Variants in SBF2 observed in about 807,000 individuals in gnomAD.
SBF2 encodes SET binding factor 2.
In SBF2, 112 loss-of-function variants were observed where a neutral mutation model predicts 225.2. The observed-to-expected ratio is 0.50, with a 90% CI of 0.43 to 0.58. The LOEUF (loss-of-function observed/expected upper bound fraction) is 0.58, where lower values mean the gene tolerates loss of function less well. Ranked by LOEUF, SBF2 falls within the 20% of genes least tolerant of loss-of-function variation. SBF2 has a pLI of 0.00. For missense variants in SBF2, 1,996 were observed against 2,206.2 expected, an observed-to-expected ratio of 0.90 and a Z score of 1.91; for synonymous variants, 763 against 773.3, an observed-to-expected ratio of 0.99 and a Z score of 0.22.
intron 2 of SBF2, among the ~76,000 whole-genome samples, chr11:10,061,045 T>C (rs948544230): frequency 3.3e-5 from 5 of 151,496 alleles, no homozygotes; most frequent in Non-Finnish European, 7.4e-5. Flanking sequence ...AATAAATAAA[T>C]AAACAAATAA....
chr11:9,809,423 T>A (rs1590133592), intron 30 of SBF2: 1 of 163,802 alleles, frequency 6.1e-6, no homozygotes, highest in East Asian at 1.7e-4. Context: ...TGAGCTATAA[T>A]TCCATAGAGT....
At chr11:9,936,515 G>A (rs926346254) in intron 16 of SBF2, among the ~76,000 whole-genome samples, 5 of 152,144 alleles carry the variant, frequency 3.3e-5, no homozygotes, top group African/African-American at 1.2e-4. Context: ...TATGTTTATT[G>A]CAGCACTATT....
intron 17 of SBF2, among the ~76,000 whole-genome samples, chr11:9,875,307 G>A (rs1300329451): frequency 6.6e-6 from 1 of 152,196 alleles, no homozygotes; most frequent in Non-Finnish European, 1.5e-5. Flanking sequence ...TTCTAGGACT[G>A]CAGATGGTTT....
At chr11:10,218,341 T>G in intron 1 of SBF2, among the ~76,000 whole-genome samples, 1 of 69,334 alleles carries the variant, frequency 1.4e-5, no homozygotes. Context: ...CACCCAATGA[T>G]TCAATTACCT....
intron 1 of SBF2, among the ~76,000 whole-genome samples, chr11:10,283,856 T>G (rs1963573543): frequency 6.6e-6 from 1 of 152,126 alleles, no homozygotes; most frequent in Non-Finnish European, 1.5e-5. Context: ...TAAAAATCAG[T>G]GGTTTTCAAG....
intron 16 of SBF2, among the ~76,000 whole-genome samples, chr11:9,927,361 G>C (rs1161092903): frequency 6.6e-6 from 1 of 152,220 alleles, no homozygotes; most frequent in South Asian, 2.1e-4. Context: ...AATTGAGCCG[G>C]AGTATGCACT....
At chr11:9,963,624 C>A in intron 15 of SBF2, 149 bp downstream of exon 15, 1 of 601,354 alleles carries the variant, frequency 1.7e-6, no homozygotes, top group Non-Finnish European at 3.0e-6. Context: ...AAATCTTAGA[C>A]ACTATTCATT....
intron 2 of SBF2, among the ~76,000 whole-genome samples, chr11:10,087,936 G>A (rs1381529186): frequency 6.6e-6 from 1 of 152,026 alleles, no homozygotes; most frequent in African/African-American, 2.4e-5. Flanking sequence ...GGTGTTTTTT[G>A]AGATTTATGT....
At chr11:10,246,275 T>C (rs1959781795) in intron 1 of SBF2, among the ~76,000 whole-genome samples, 1 of 152,190 alleles carries the variant, frequency 6.6e-6, no homozygotes, top group Non-Finnish European at 1.5e-5. Context: ...CACAGGTTTC[T>C]TTTCTTTCTT....
At chr11:10,146,764 CTA>C (rs746854608) in intron 2 of SBF2, among the ~76,000 whole-genome samples, 1 of 152,056 alleles carries the variant, frequency 6.6e-6, no homozygotes, top group Non-Finnish European at 1.5e-5. Flanking sequence ...GCAAAAGAAA[CTA>C]TCAACAGAGT....
chr11:10,076,082 C>T lies in SBF2; in HGVS notation c.142-33101G>A, dbSNP rs375356488. Among the ~76,000 whole-genome samples, 5 of 152,322 alleles carry T rather than the reference C, an allele frequency of 3.3e-5. No homozygotes were observed. In the East Asian group the frequency reaches 5.8e-4, roughly 18 times the overall value. On this transcript the variant is annotated intron_variant, in intron 2 of 39. Transcript: ENST00000256190. ...TTTGAAAAATACAGTGGGCATTAGG[C>T]TACGCTGTGGATCTGTGGTGGAAAA... is the stretch of plus-strand genomic sequence containing the variant.
chr11:9,914,811 C>T (rs1862935847), intron 16 of SBF2, among the ~76,000 whole-genome samples: 1 of 150,540 alleles, frequency 6.6e-6, no homozygotes, highest in South Asian at 2.1e-4. Context: ...CAAGAATGAA[C>T]CCTAATGTAA....
chr11:10,114,593 C>G (rs140668068), intron 2 of SBF2, among the ~76,000 whole-genome samples: 1 of 152,290 alleles, frequency 6.6e-6, no homozygotes, highest in African/African-American at 2.4e-5. Context: ...GCACATAGAA[C>G]TCAAAAGTTT....
chr11:9,887,319 C>T (rs922408065), intron 17 of SBF2, among the ~76,000 whole-genome samples: 2 of 151,696 alleles, frequency 1.3e-5, no homozygotes, highest in Admixed American at 1.3e-4. Flanking sequence ...AGTAAATTGC[C>T]CCAGTTTCCT....
chr11:10,284,150 T>C (rs1963592772), intron 1 of SBF2, among the ~76,000 whole-genome samples: 3 of 152,280 alleles, frequency 2.0e-5, no homozygotes, highest in Middle Eastern at 3.4e-3. Context: ...AGAAACCATA[T>C]ACCCTTTACC....
At chr11:9,962,530 T>C (rs979267086) in intron 15 of SBF2, among the ~76,000 whole-genome samples, 1 of 152,180 alleles carries the variant, frequency 6.6e-6, no homozygotes, top group African/African-American at 2.4e-5. Context: ...ACTTTTAAAC[T>C]GGTTGGCTGC....
At position 10,133,297 on chromosome 11, in the gene SBF2, T is replaced by C. The variant is rs544893017; in HGVS notation, c.141+60605A>G. 8.8e-4 allele frequency among the ~76,000 whole-genome samples: 131 copies of C among 149,510 alleles called. 7 individuals are homozygous for C. The highest frequency in any genetic ancestry group is 2.2e-3 in the Admixed American group (33 of 14,782). On this transcript the variant is annotated intron_variant, in intron 2 of 39. Transcript: ENST00000256190. ...GGAGCTGCCTGCCAGTCCTGCGCCG[T>C]GTGCTCGCATTCCTCAGCCCTTGGG...
intron 17 of SBF2, among the ~76,000 whole-genome samples, chr11:9,895,391 G>GT (rs1216708650): frequency 3.3e-5 from 5 of 152,102 alleles, no homozygotes; most frequent in Admixed American, 1.3e-4. Context: ...AAATTTGCTG[G>GT]TTTTTTCTGC....
chr11:10,251,571 C>T (rs190190716), intron 1 of SBF2, among the ~76,000 whole-genome samples: 3 of 152,238 alleles, frequency 2.0e-5, no homozygotes, highest in Admixed American at 2.0e-4. Flanking sequence ...GTAGACTCCT[C>T]ATCTAGCTCC....
Sources: gnomAD v4.1 joint callset for allele counts (sites outside exome capture counted in the v4.1 genomes callset) on GRCh38, gnomAD v4.1.1 for gene constraint, MANE v1.5 for transcripts, NCBI Gene and HGNC (gene_info 2026-07-23, HGNC 2026-07-21) for gene names.